BFAR: variants seen among roughly 807,000 people sequenced by gnomAD.
BFAR encodes bifunctional apoptosis regulator, also known as RING finger protein 47.
BFAR carries 52 observed loss-of-function variants against 54.4 expected under a neutral mutation model. That is an observed-to-expected ratio of 0.96 (90% CI 0.77 to 1.21). The LOEUF (loss-of-function observed/expected upper bound fraction) is 1.21. Among genes scored for constraint, BFAR ranks in the 50% most tolerant of loss-of-function variants. The probability of loss-of-function intolerance (pLI) is 0.00; values close to 1 mark genes in which losing one functional copy is unlikely to be tolerated. For missense variants in BFAR, 571 were observed against 534.0 expected (o/e 1.07, Z -0.68); for synonymous variants, 215 against 204.3 (o/e 1.05, Z -0.45).
At chr16:14,637,325 G>T (rs894145648) in intron 1 of BFAR, among the ~76,000 whole-genome samples, 8 of 151,982 alleles carry the variant, frequency 5.3e-5, no homozygotes, top group African/African-American at 1.9e-4. Context: ...TCAGGATAAT[G>T]GCGTATTAGG....
Position 14,644,339 on chromosome 16 carries a change from G to A in BFAR, c.-8G>A, listed in dbSNP as rs1207248209. On this transcript the variant is annotated 5_prime_UTR_variant, in exon 2 of 8. Transcript: ENST00000261658. The stretch of plus-strand genomic sequence containing the variant: ...TTTATGTCTCTGGAACCCAGAATTT[G>A]CTAAGAGATGGAGGAACCTCAGAAA... The A allele has an allele frequency of 6.2e-7, 1 of 1,608,912 alleles. No homozygotes were observed. The highest frequency in any genetic ancestry group is 8.5e-7 in the Non-Finnish European group (1 of 1,176,222).
At chr16:14,650,696 AATT>A (rs960226236) in intron 4 of BFAR, 1 of 152,210 alleles carries the variant, frequency 6.6e-6, no homozygotes, top group African/African-American at 2.4e-5. Context: ...GCTGAGTAAT[AATT>A]CTACTGTAAG....
chr16:14,636,902 A>C lies in BFAR; in HGVS notation c.-74+3884A>C, dbSNP rs200589371. On this transcript the variant is annotated intron_variant, in intron 1 of 7. Coordinates refer to ENST00000261658, the MANE Select transcript of BFAR (RefSeq NM_016561.3). Reference sequence around the variant, plus strand: ...CCTTCAAGCATCTGTTTAACAAAGCACATCTTGTACCGCCCGTAATCCATT... The same window carrying C: ...CCTTCAAGCATCTGTTTAACAAAGCCCATCTTGTACCGCCCGTAATCCATT... Among the ~76,000 whole-genome samples the C allele has an allele frequency of 2.3e-4, 35 of 152,344 alleles. No individual in the cohort carries two copies. In the East Asian group the frequency reaches 6.2e-3, roughly 27 times the overall value.
At chr16:14,648,199 G>T (rs924456749) in intron 2 of BFAR, among the ~76,000 whole-genome samples, 189 bp from the exon 3 acceptor site, 1 of 152,136 alleles carries the variant, frequency 6.6e-6, no homozygotes, top group Non-Finnish European at 1.5e-5. Flanking sequence ...AAAGGAGAAA[G>T]TAATGGTAAA....
At chr16:14,659,229 T>TTTTTTTTTTG in intron 5 of BFAR, among the ~76,000 whole-genome samples, 1 of 148,868 alleles carries the variant, frequency 6.7e-6, no homozygotes, top group Non-Finnish European at 1.5e-5. Flanking sequence ...AATTTGGTTT[T>TTTTTTTTTTG]TTTTGTTTTT....
intron 1 of BFAR, among the ~76,000 whole-genome samples, chr16:14,638,597 C>T (rs1959525723): frequency 6.6e-6 from 1 of 152,168 alleles, no homozygotes; most frequent in Admixed American, 6.5e-5. Context: ...ATAAAGATTA[C>T]AATTTCTAAA....
chr16:14,636,914 G>A (rs185592436), intron 1 of BFAR, among the ~76,000 whole-genome samples: 49 of 152,294 alleles, frequency 3.2e-4, no homozygotes, highest in Admixed American at 3.1e-3. Flanking sequence ...ATCTTGTACC[G>A]CCCGTAATCC....
At chr16:14,658,658 G>A (rs1960195649) in intron 5 of BFAR, among the ~76,000 whole-genome samples, 1 of 151,444 alleles carries the variant, frequency 6.6e-6, no homozygotes, top group Non-Finnish European at 1.5e-5. Flanking sequence ...GCGTGAACCC[G>A]GGAGACGGAG....
chr16:14,639,551 G>A (rs564108772), intron 1 of BFAR, among the ~76,000 whole-genome samples: 1 of 152,098 alleles, frequency 6.6e-6, no homozygotes, highest in South Asian at 2.1e-4. Flanking sequence ...CAGGTGATCC[G>A]CCCACCTCCA....
intron 7 of BFAR, 51 bp from the exon 8 acceptor site, chr16:14,667,584 G>A (rs776488139): frequency 3.9e-6 from 6 of 1,540,946 alleles, no homozygotes; most frequent in South Asian, 3.5e-5. Context: ...GGACTCCTGG[G>A]TGTGGTCATG....
chr16:14,646,073 C>T (rs548219103), intron 2 of BFAR, among the ~76,000 whole-genome samples: 14 of 152,046 alleles, frequency 9.2e-5, no homozygotes, highest in East Asian at 1.9e-4. Flanking sequence ...TTTTTTGAGA[C>T]GGAGTTTCAC....
chr16:14,655,124 A>G lies in BFAR; in HGVS notation c.697A>G (p.Ser233Gly), dbSNP rs1376890184. The change falls in exon 5 of 8, where the codon AGC becomes GGC. Residue 233 changes from serine (S) to glycine (G), a missense_variant. By Grantham distance (56) the Ser-to-Gly change is moderately conservative. Transcript: ENST00000261658. ...CAAGACGCCCTATACCATAGAAAAC[A>G]GCAGCCACAGGAGAGCCATCCTCAT... ...FSKTPYTIENSSHRRAILMEL... is the reference protein window; with the variant it reads ...FSKTPYTIENGSHRRAILMEL... The G allele has an allele frequency of 1.9e-6, 3 of 1,612,508 alleles. No homozygotes were observed.
At chr16:14,664,287 A>G (rs1158117673) in intron 6 of BFAR, among the ~76,000 whole-genome samples, 1 of 149,874 alleles carries the variant, frequency 6.7e-6, no homozygotes. Context: ...CATACTCAGG[A>G]GGCTGAGACA....
chr16:14,648,627 A>G, intron 3 of BFAR, 35 bp downstream of exon 3: 2 of 1,262,480 alleles, frequency 1.6e-6, no homozygotes, highest in Non-Finnish European at 2.1e-6. Flanking sequence ...GTGCCCCCCC[A>G]CACCTCACCC....
intron 5 of BFAR, among the ~76,000 whole-genome samples, chr16:14,656,016 C>T (rs1960119268): frequency 6.6e-6 from 1 of 152,018 alleles, no homozygotes; most frequent in South Asian, 2.1e-4. Flanking sequence ...TTGAGACCAG[C>T]CTGGCCAACG....
chr16:14,652,022 C>T (rs1222578928), intron 4 of BFAR, among the ~76,000 whole-genome samples: 1 of 150,484 alleles, frequency 6.6e-6, no homozygotes, highest in Admixed American at 6.6e-5. Flanking sequence ...GAGTAGCTGG[C>T]ACTGCAAGTG....
At chr16:14,648,985 A>G (rs1016301205) in intron 3 of BFAR, among the ~76,000 whole-genome samples, 1 of 149,768 alleles carries the variant, frequency 6.7e-6, no homozygotes, top group Non-Finnish European at 1.5e-5. Context: ...TGTGGTGATG[A>G]TGACACATAT....
chr16:14,649,997 C>A, intron 4 of BFAR, 24 bp downstream of exon 4: 1 of 1,575,498 alleles, frequency 6.3e-7, no homozygotes, highest in Non-Finnish European at 8.6e-7. Context: ...TCTTCTGACA[C>A]ACCGTGGACA....
At position 14,668,103 on chromosome 16, in the gene BFAR, G is replaced by C. The variant is rs1457493475; in HGVS notation, c.*276G>C. ...TTCCTCACAGGGACTAGGAGGCTCA[G>C]TCCCCAACGGCTGGCAAGACTCAGG... is the stretch of plus-strand genomic sequence containing the variant. On this transcript the variant is annotated 3_prime_UTR_variant, in exon 8 of 8. Coordinates refer to ENST00000261658, the MANE Select transcript of BFAR (RefSeq NM_016561.3). The C allele has an allele frequency of 4.4e-6, 2 of 457,504 alleles. No individual in the cohort carries two copies. Among genetic ancestry groups the C allele is most frequent in the African/African-American group, 1.9e-5 (1 of 51,610 alleles). 28.3% of individuals were successfully genotyped at this position (457,504 alleles called of 1,614,324 possible). A position where few individuals can be genotyped will look rare whatever the true frequency, so the allele number is the denominator to read the frequency against.
Sources: allele counts gnomAD v4.1 joint callset (sites outside exome capture counted in the v4.1 genomes callset), GRCh38; gene constraint gnomAD v4.1.1; transcripts MANE v1.5; gene names NCBI Gene and HGNC (gene_info 2026-07-23, HGNC 2026-07-21).